SMARCA2: variants seen among roughly 807,000 people sequenced by gnomAD.
The protein encoded by SMARCA2 is SWI/SNF-related matrix-associated actin-dependent regulator of chromatin subfamily A member 2.
A neutral mutation model predicts 199.8 loss-of-function variants in SMARCA2; 61 were observed. That is an observed-to-expected ratio of 0.31 (90% CI 0.25 to 0.38). The LOEUF (loss-of-function observed/expected upper bound fraction) is 0.38. SMARCA2 is among the 10% of genes least tolerant of loss of function. The probability of loss-of-function intolerance (pLI) is 1.00; values close to 1 mark genes in which losing one functional copy is unlikely to be tolerated. For missense variants in SMARCA2, 1,344 were observed against 2,012.2 expected, an observed-to-expected ratio of 0.67 and a Z score of 6.35; for synonymous variants, 935 against 732.0, an observed-to-expected ratio of 1.28 and a Z score of -4.48.
At chr9:2,080,410 C>T (rs145985380) in intron 14 of SMARCA2, among the ~76,000 whole-genome samples, 57 of 152,290 alleles carry the variant, frequency 3.7e-4, no homozygotes, top group East Asian at 1.9e-4. Context: ...TTAGCACAAA[C>T]GCAAAATTCA....
chr9:2,023,095 C>T (rs575273847), intron 1 of SMARCA2, among the ~76,000 whole-genome samples: 17 of 152,248 alleles, frequency 1.1e-4, no homozygotes, highest in South Asian at 4.2e-4. Flanking sequence ...GAAATTGCAT[C>T]GCTGGTAGAC....
intron 27 of SMARCA2, among the ~76,000 whole-genome samples, chr9:2,134,527 C>T (rs574414165): frequency 6.6e-6 from 1 of 152,296 alleles, no homozygotes; most frequent in South Asian, 2.1e-4. Context: ...TGTCTTTACT[C>T]TGGTTGTCTC....
intron 27 of SMARCA2, chr9:2,160,884 A>T: frequency 6.2e-6 from 1 of 161,394 alleles, no homozygotes; most frequent in Non-Finnish European, 1.3e-5. Context: ...ATTTACCAGG[A>T]AAAAAAAAAA....
At chr9:2,029,376 A>G (rs2130180599) in intron 2 of SMARCA2, 129 bp downstream of exon 2, 5 of 1,294,430 alleles carry the variant, frequency 3.9e-6, no homozygotes, top group Non-Finnish European at 5.3e-6. Flanking sequence ...TGTATATCTC[A>G]TATATTATTA....
chr9:2,186,015 G>C (rs1434393956), intron 31 of SMARCA2, 81 bp from the exon 32 acceptor site: 2 of 1,306,758 alleles, frequency 1.5e-6, no homozygotes. Flanking sequence ...TGTGAATTAA[G>C]CTGGTGTATT....
chr9:2,186,133 A>C lies in SMARCA2; in HGVS notation c.4499A>C (p.Lys1500Thr), dbSNP rs759970929. The change falls in exon 32 of 34, where the codon AAG becomes ACG. Residue 1500 changes from lysine (K) to threonine (T), a missense_variant. Transcript: ENST00000349721. ...EDSIVLQSVF[K>T]SARQKIAKEE... is the part of the protein sequence containing the mutation. Reference sequence around the variant, plus strand: ...TCCATCGTCTTACAGTCAGTGTTTAAGAGTGCCCGGCAGAAAATTGCCAAA... The same window carrying C: ...TCCATCGTCTTACAGTCAGTGTTTACGAGTGCCCGGCAGAAAATTGCCAAA... The C allele has an allele frequency of 1.1e-5, 17 of 1,613,986 alleles. No homozygotes were observed. Among genetic ancestry groups the C allele is most frequent in the Middle Eastern group, 1.6e-4 (1 of 6,084 alleles).
At chr9:2,082,857 A>G (rs1028823854) in intron 15 of SMARCA2, among the ~76,000 whole-genome samples, 3 of 152,116 alleles carry the variant, frequency 2.0e-5, no homozygotes, top group East Asian at 1.9e-4. Context: ...TTTGATCTAT[A>G]TTTTGCGTGT....
At chr9:2,106,379 G>A (rs1026260990) in intron 23 of SMARCA2, among the ~76,000 whole-genome samples, 2 of 152,158 alleles carry the variant, frequency 1.3e-5, no homozygotes, top group East Asian at 3.8e-4. Flanking sequence ...AGAGATACAG[G>A]ATGGATGAAC....
chr9:2,117,190 A>ATT (rs34394922), intron 25 of SMARCA2, among the ~76,000 whole-genome samples: 5 of 150,472 alleles, frequency 3.3e-5, no homozygotes, highest in South Asian at 4.2e-4. Context: ...CTGTCTGTAT[A>ATT]TTTTTTTTTT....
intron 19 of SMARCA2, among the ~76,000 whole-genome samples, chr9:2,093,435 A>G (rs143782182): frequency 2.4e-4 from 37 of 152,268 alleles, no homozygotes; most frequent in Non-Finnish European, 4.6e-4. Flanking sequence ...CTGGGAGTAC[A>G]CTGTGTAGGT....
intron 15 of SMARCA2, 30 bp downstream of exon 15, chr9:2,082,025 C>A (rs186103756): frequency 3.8e-6 from 6 of 1,596,746 alleles, no homozygotes; most frequent in Non-Finnish European, 4.3e-6. Flanking sequence ...CCACAGTCAT[C>A]GTTCTGTATG....
At chr9:2,061,011 G>C (rs576935270) in intron 9 of SMARCA2, 25 bp downstream of exon 9, 32 of 1,608,880 alleles carry the variant, frequency 2.0e-5, no homozygotes, top group Non-Finnish European at 2.6e-5. Context: ...GGTGGTGGCT[G>C]AGTCCAGGGT....
In SMARCA2 at chr9:2,159,917, T is replaced by C. The variant is rs762057569; in HGVS notation, c.3982-1769T>C. The C allele has an allele frequency of 7.5e-6, 12 of 1,608,080 alleles. No individual in the cohort carries two copies. In the Admixed American group the frequency reaches 1.7e-4, roughly 23 times the overall value. ...CCTGCTGATAGTGGTAAGGTAAATA[T>C]CCTTTTTCGTTGCCGTCTTGAAGAT... On this transcript the variant is annotated intron_variant, in intron 27 of 33. Transcript: ENST00000349721.
chr9:2,062,440 T>C (rs1006567547), intron 9 of SMARCA2, among the ~76,000 whole-genome samples: 1 of 152,226 alleles, frequency 6.6e-6, no homozygotes, highest in Non-Finnish European at 1.5e-5. Context: ...TTTGAGATTA[T>C]GGCTTACAAT....
intron 24 of SMARCA2, among the ~76,000 whole-genome samples, chr9:2,112,273 A>C (rs1421980084): frequency 6.6e-6 from 1 of 152,088 alleles, no homozygotes; most frequent in Admixed American, 6.6e-5. Flanking sequence ...CTGGTACCTA[A>C]GTTTTGAGGA....
chr9:2,170,369 G>C lies in SMARCA2; in HGVS notation c.4200-50G>C, dbSNP rs1240562904. On this transcript the variant is annotated intron_variant, in intron 28 of 33. Coordinates refer to ENST00000349721, the MANE Select transcript of SMARCA2 (RefSeq NM_003070.5). The surrounding 1 kb of genome is among the most constrained non-coding windows in gnomAD (Gnocchi z 4.7). ...GCCTAGGAAGAAGGAGCCGGGCGGG[G>C]ACGAGAACCCAGGTCTTCTGACTCT... is the stretch of plus-strand genomic sequence containing the variant. 1 of 1,612,398 alleles carries C rather than the reference G, an allele frequency of 6.2e-7. No individual in the cohort carries two copies. The highest frequency in any genetic ancestry group is 2.2e-5 in the East Asian group (1 of 44,728).
intron 4 of SMARCA2, chr9:2,040,186 C>T (rs1261163207): frequency 4.9e-6 from 3 of 610,490 alleles, no homozygotes; most frequent in Non-Finnish European, 8.4e-6. Flanking sequence ...TTCAAGGTTT[C>T]TTGGAAGCCC....
At chr9:2,165,855 A>T (rs868445060) in intron 28 of SMARCA2, among the ~76,000 whole-genome samples, 2 of 152,170 alleles carry the variant, frequency 1.3e-5, no homozygotes, top group South Asian at 2.1e-4. Context: ...AGGCATTATT[A>T]ACGTTGGAAG....
chr9:2,025,520 C>G (rs932655320), intron 1 of SMARCA2, among the ~76,000 whole-genome samples: 1 of 152,158 alleles, frequency 6.6e-6, no homozygotes, highest in Non-Finnish European at 1.5e-5. Flanking sequence ...CATCTGGGCC[C>G]TCTCCTCCAG....
Sources: allele counts gnomAD v4.1 joint callset (sites outside exome capture counted in the v4.1 genomes callset), GRCh38; gene constraint gnomAD v4.1.1; non-coding constraint Gnocchi (gnomAD v3.1); transcripts MANE v1.5; gene names NCBI Gene and HGNC (gene_info 2026-07-23, HGNC 2026-07-21).